DNAH9: variants seen among roughly 807,000 people sequenced by gnomAD.
The protein encoded by DNAH9 is dynein axonemal heavy chain 9, also known as DNAH9 variant protein.
DNAH9 carries 345 observed loss-of-function variants against 471.6 expected under a neutral mutation model. That is an observed-to-expected ratio of 0.73 (90% CI 0.67 to 0.80). The LOEUF (loss-of-function observed/expected upper bound fraction) is 0.80. DNAH9 is among the 30% of genes least tolerant of loss of function. The pLI, the probability that DNAH9 is intolerant of heterozygous loss-of-function variation, is 0.00. For synonymous variants in DNAH9, 2,093 were observed against 2,123.6 expected, an observed-to-expected ratio of 0.99 and a Z score of 0.40; for missense variants, 5,407 against 5,609.2, an observed-to-expected ratio of 0.96 and a Z score of 1.15.
chr17:11,617,449 C>G lies in DNAH9; in HGVS notation c.943C>G (p.Pro315Ala), dbSNP rs1235798008. Residue 315 changes from proline (P) to alanine (A), a missense_variant, in exon 5 of 69, where the codon CCG (proline) becomes GCG (alanine). This residue lies in a region of DNAH9 where 767 missense variants were observed against 692.5 expected (regional missense o/e 1.11). Coordinates refer to ENST00000262442, the MANE Select transcript of DNAH9 (RefSeq NM_001372.4). ...ACAGGACATCCATGTGCACCTGATA[C>G]CGCTCCAGCGCCACCTGGAAGCTCT... ...EAQDIHVHLI[P>A]LQRHLEALEN... is the part of the protein sequence containing the mutation. The G allele has an allele frequency of 1.2e-6, 2 of 1,614,174 alleles. No individual in the cohort carries two copies. Among genetic ancestry groups the G allele is most frequent in the South Asian group, 1.1e-5 (1 of 91,082 alleles).
intron 47 of DNAH9, 45 bp downstream of exon 47, chr17:11,822,644 G>C (rs1352536306): frequency 1.3e-5 from 21 of 1,608,228 alleles, no homozygotes; most frequent in Non-Finnish European, 1.5e-5. Flanking sequence ...TCCCAGATGA[G>C]GGTACAATGA....
chr17:11,656,878 C>G (rs188511343), intron 14 of DNAH9, among the ~76,000 whole-genome samples: 85 of 152,152 alleles, frequency 5.6e-4, no homozygotes, highest in Middle Eastern at 6.8e-3. Flanking sequence ...AAAACTTAGC[C>G]TAGTGTTATT....
chr17:11,672,812 G>A (rs2073992868), intron 17 of DNAH9, among the ~76,000 whole-genome samples: 1 of 152,124 alleles, frequency 6.6e-6, no homozygotes, highest in African/African-American at 2.4e-5. Context: ...TGATGGGGAA[G>A]TAATTGCTCT....
Position 11,875,001 on chromosome 17 carries a change from A to C in DNAH9, c.10295A>C (p.Asp3432Ala). ...GATCCCCTGAGGATGCTGATGGATG[A>C]TGCTGACGTGGCTGCCTGGCAGAAC... ...ALDPLRMLMD[D>A]ADVAAWQNEG... The change falls in exon 53 of 69, where the codon GAT becomes GCT. Residue 3432 changes from aspartate (D) to alanine (A), a missense_variant. Physicochemically the swap from Asp to Ala is moderately radical, Grantham distance 126 (BLOSUM62 -2). Transcript: ENST00000262442. The C allele has an allele frequency of 6.2e-7, 1 of 1,614,144 alleles. No individual in the cohort carries two copies. The highest frequency in any genetic ancestry group is 8.5e-7 in the Non-Finnish European group (1 of 1,180,020).
In DNAH9 at chr17:11,958,371, G is replaced by T. The variant is rs1317734094; in HGVS notation, c.12844-3496G>T. 2.0e-5 allele frequency among the ~76,000 whole-genome samples: 3 copies of T among 152,108 alleles called. No individual in the cohort carries two copies. The East Asian group carries it at 5.8e-4, about 29-fold the overall frequency. ...GTCATATACTATAATGATACAACATGATACTGTATTTGTACAATACTGTAA... is the reference window on the plus strand; with the variant it reads ...GTCATATACTATAATGATACAACATTATACTGTATTTGTACAATACTGTAA... On this transcript the variant is annotated intron_variant, in intron 67 of 68. Coordinates refer to ENST00000262442, the MANE Select transcript of DNAH9 (RefSeq NM_001372.4).
chr17:11,740,067 T>G (rs1204709643), intron 29 of DNAH9, among the ~76,000 whole-genome samples: 1 of 152,204 alleles, frequency 6.6e-6, no homozygotes, highest in Non-Finnish European at 1.5e-5. Flanking sequence ...GGCCTTCTCC[T>G]TCTTCAGCCA....
intron 3 of DNAH9, among the ~76,000 whole-genome samples, chr17:11,611,323 C>T (rs964786335): frequency 2.0e-5 from 3 of 152,218 alleles, no homozygotes; most frequent in Admixed American, 6.5e-5. Context: ...AGGCCCTTCT[C>T]TTAGCACCCT....
At chr17:11,665,106 A>T (rs1337146637) in intron 15 of DNAH9, 138 bp downstream of exon 15, 1 of 733,344 alleles carries the variant, frequency 1.4e-6, no homozygotes, top group Non-Finnish European at 2.3e-6. Flanking sequence ...GATGCACAGG[A>T]AAACAGAAAA....
rs545515591 is a variant in DNAH9, at chr17:11,784,526, C to T, written c.8048C>T (p.Ala2683Val). Reference sequence around the variant, plus strand: ...TACATCTTCAACCTCAGAGATTTTGCCAACATTTTCCAGGTGAGTTCATCG... The same window carrying T: ...TACATCTTCAACCTCAGAGATTTTGTCAACATTTTCCAGGTGAGTTCATCG... ...FHYIFNLRDFANIFQGILFSS... is the reference protein window; with the variant it reads ...FHYIFNLRDFVNIFQGILFSS... Residue 2683 changes from alanine to valine, a missense_variant, in exon 41 of 69, where the codon GCC (alanine) becomes GTC (valine). Transcript: ENST00000262442. 6.2e-7 allele frequency: 1 copy of T among 1,614,162 alleles called. No homozygotes were observed. The highest frequency in any genetic ancestry group is 8.5e-7 in the Non-Finnish European group (1 of 1,180,024).
intron 19 of DNAH9, among the ~76,000 whole-genome samples, chr17:11,684,581 C>A (rs1325265770): frequency 6.6e-6 from 1 of 152,168 alleles, no homozygotes; most frequent in African/African-American, 2.4e-5. Context: ...TAAGAAACGT[C>A]ACCATGACAT....
At chr17:11,668,206 T>C (rs939761979) in intron 15 of DNAH9, among the ~76,000 whole-genome samples, 1 of 152,200 alleles carries the variant, frequency 6.6e-6, no homozygotes, top group Non-Finnish European at 1.5e-5. Flanking sequence ...AATTATTTCT[T>C]AGAAAAGGAT....
In DNAH9 at chr17:11,635,361, T is replaced by TC. The variant is rs869182056; in HGVS notation, c.1636-1273_1636-1272insC. ...TTTTTTTTTTTTTTTTTTTTTTTTT[T>TC]AGTAGAGACGGGTTTTGCCATGTTG... On this transcript the variant is annotated intron_variant, in intron 8 of 68. Coordinates refer to ENST00000262442, the MANE Select transcript of DNAH9 (RefSeq NM_001372.4). Among the ~76,000 whole-genome samples, 2 of 148,496 alleles carry TC rather than the reference T, an allele frequency of 1.3e-5. 1 individual carries two copies. The highest frequency in any genetic ancestry group is 1.3e-4 in the Admixed American group (2 of 14,838).
intron 49 of DNAH9, among the ~76,000 whole-genome samples, chr17:11,846,445 C>T (rs1443339805): frequency 0.012 from 1,846 of 151,274 alleles, 48 homozygotes; most frequent in African/African-American, 0.042. Flanking sequence ...GTGATGCCTC[C>T]GGCTTTGTTC....
intron 53 of DNAH9, chr17:11,875,917 T>C (rs997309969): frequency 6.6e-6 from 1 of 152,200 alleles, no homozygotes; most frequent in African/African-American, 2.4e-5. Context: ...GAAGAGGAAG[T>C]GAGGCAGACA....
At chr17:11,730,926 GGT>G (rs2075250644) in intron 28 of DNAH9, among the ~76,000 whole-genome samples, 1 of 136,518 alleles carries the variant, frequency 7.3e-6, no homozygotes, top group Non-Finnish European at 1.6e-5. Context: ...TGATGATGGT[GGT>G]GGTGGTGATG....
At position 11,822,786 on chromosome 17, in the gene DNAH9, G is replaced by C; in HGVS notation, c.9013-15G>C. ...ACACAAGATAATCTTTTCATTTCTT[G>C]CTCTTTGGTTTTAGCCCACAGTAAA... On this transcript the variant is annotated splice_polypyrimidine_tract_variant and intron_variant, in intron 47 of 68. Transcript: ENST00000262442. 1 of 1,613,488 alleles carries C rather than the reference G, an allele frequency of 6.2e-7. No individual in the cohort carries two copies. The highest frequency in any genetic ancestry group is 1.7e-4 in the Middle Eastern group (1 of 6,056).
chr17:11,758,442 G>A (rs1967503946), intron 35 of DNAH9, among the ~76,000 whole-genome samples: 1 of 152,194 alleles, frequency 6.6e-6, no homozygotes, highest in Non-Finnish European at 1.5e-5. Flanking sequence ...GTGGAGGCAA[G>A]AATGGGCCCC....
chr17:11,639,109 A>T (rs902684687), intron 9 of DNAH9, among the ~76,000 whole-genome samples: 3 of 152,186 alleles, frequency 2.0e-5, no homozygotes, highest in African/African-American at 4.8e-5. Flanking sequence ...GCTGTATGAC[A>T]TATCATGACC....
rs561363986 is a variant in DNAH9 at position 11,874,551 on chromosome 17, T to G, written c.10243-398T>G. Among the ~76,000 whole-genome samples the G allele has an allele frequency of 2.0e-5, 3 of 152,130 alleles. No individual in the cohort carries two copies. The East Asian group carries it at 5.8e-4, about 30-fold the overall frequency. ...CAGACAGGAGCAAACCCACTAGGCA[T>G]GGGACCTGGTGCTGGTTCATGGAGC... On this transcript the variant is annotated intron_variant, in intron 52 of 68. Coordinates refer to ENST00000262442, the MANE Select transcript of DNAH9 (RefSeq NM_001372.4).
Sources: allele counts gnomAD v4.1 joint callset (sites outside exome capture counted in the v4.1 genomes callset), GRCh38; gene constraint gnomAD v4.1.1; regional missense constraint gnomAD v4.1.1; transcripts MANE v1.5; gene names NCBI Gene and HGNC (gene_info 2026-07-23, HGNC 2026-07-21).